Variants in KPNA1 observed in about 807,000 individuals in gnomAD.
The protein encoded by KPNA1 is karyopherin subunit alpha 1.
In KPNA1, 10 loss-of-function variants were observed where a neutral mutation model predicts 70.5. That is an observed-to-expected ratio of 0.14 (90% CI 0.09 to 0.24). The LOEUF is 0.24. KPNA1 is among the 10% of genes least tolerant of loss of function. KPNA1 has a pLI of 1.00. For synonymous variants in KPNA1, 192 were observed against 221.9 expected, an observed-to-expected ratio of 0.87 and a Z score of 1.20; for missense variants, 397 against 637.9, an observed-to-expected ratio of 0.62 and a Z score of 4.07.
At chr3:122,496,743 A>G (rs950105509) in intron 1 of KPNA1, 173 bp from the exon 2 acceptor site, 15 of 513,426 alleles carry the variant, frequency 2.9e-5, no homozygotes, top group Non-Finnish European at 5.1e-5. Context: ...TGCTCTGTCC[A>G]CCCGGACTGG....
chr3:122,445,198 A>T (rs2076120662), intron 9 of KPNA1, among the ~76,000 whole-genome samples: 1 of 152,192 alleles, frequency 6.6e-6, no homozygotes, highest in Non-Finnish European at 1.5e-5. Flanking sequence ...AACAGTGTAG[A>T]GAAGAGCTTA....
intron 5 of KPNA1, chr3:122,459,550 T>C (rs1020175414): frequency 8.1e-6 from 8 of 985,366 alleles, no homozygotes; most frequent in African/African-American, 7.0e-5. Flanking sequence ...CTCTGCAGTG[T>C]TGGTTGTCTG....
At chr3:122,510,282 G>A (rs1435329373) in intron 1 of KPNA1, among the ~76,000 whole-genome samples, 1 of 152,188 alleles carries the variant, frequency 6.6e-6, no homozygotes, top group Non-Finnish European at 1.5e-5. Context: ...ACAGTAAACA[G>A]GGGAACCAGT....
chr3:122,460,071 C>T (rs1274894495), intron 5 of KPNA1: 4 of 985,204 alleles, frequency 4.1e-6, no homozygotes, highest in Non-Finnish European at 4.8e-6. Flanking sequence ...GAAAGATAAT[C>T]CCATTTTGTG....
intron 5 of KPNA1, chr3:122,459,455 A>G (rs1373900472): frequency 3.0e-6 from 3 of 985,300 alleles, no homozygotes; most frequent in Non-Finnish European, 3.6e-6. Context: ...CTTCCTACAA[A>G]GCATTTCAAA....
intron 2 of KPNA1, among the ~76,000 whole-genome samples, chr3:122,479,885 C>T (rs2076551103): frequency 6.6e-6 from 1 of 152,088 alleles, no homozygotes; most frequent in African/African-American, 2.4e-5. Flanking sequence ...GGAGTTTTAT[C>T]CATAACTGTC....
At chr3:122,458,869 G>C (rs147175508) in intron 5 of KPNA1, among the ~76,000 whole-genome samples, 2 of 152,276 alleles carry the variant, frequency 1.3e-5, no homozygotes, top group East Asian at 1.9e-4. Flanking sequence ...ACAGTGGAGG[G>C]AGAACACCAT....
intron 10 of KPNA1, among the ~76,000 whole-genome samples, chr3:122,441,132 C>T (rs910797448): frequency 1.3e-5 from 2 of 152,076 alleles, no homozygotes; most frequent in Non-Finnish European, 2.9e-5. Flanking sequence ...GAAGGATTGC[C>T]CCGTGGAAGA....
At chr3:122,452,543 A>AGGG (rs2076215036) in intron 6 of KPNA1, among the ~76,000 whole-genome samples, 1 of 40,286 alleles carries the variant, frequency 2.5e-5, no homozygotes, top group Non-Finnish European at 5.6e-5. Flanking sequence ...GGAAGGAGGG[A>AGGG]AGGAGGGAGG....
At chr3:122,470,089 TAA>T (rs1302046223) in intron 2 of KPNA1, among the ~76,000 whole-genome samples, 1 of 152,226 alleles carries the variant, frequency 6.6e-6, no homozygotes, top group African/African-American at 2.4e-5. Flanking sequence ...AAAGAATGAA[TAA>T]GTGAATGTAA....
intron 2 of KPNA1, among the ~76,000 whole-genome samples, chr3:122,477,563 G>T (rs1166545258): frequency 6.6e-6 from 1 of 151,978 alleles, no homozygotes; most frequent in African/African-American, 2.4e-5. Flanking sequence ...AGCTGGGCAG[G>T]GTGGCACTGG....
chr3:122,454,850 A>G (rs2076247566), intron 5 of KPNA1, among the ~76,000 whole-genome samples: 2 of 152,230 alleles, frequency 1.3e-5, no homozygotes, highest in Admixed American at 1.3e-4. Flanking sequence ...GAAGATATAA[A>G]GGAAATTATG....
At chr3:122,476,720 C>T (rs533728641) in intron 2 of KPNA1, among the ~76,000 whole-genome samples, 43 of 151,820 alleles carry the variant, frequency 2.8e-4, no homozygotes, top group Admixed American at 2.6e-3. Flanking sequence ...GAGGTATTAC[C>T]TCATACCTGT....
chr3:122,460,342 A>G (rs1424633249), intron 5 of KPNA1: 1 of 984,448 alleles, frequency 1.0e-6, no homozygotes, highest in East Asian at 1.1e-4. Context: ...TCTTATGAAA[A>G]TTATTGAATA....
chr3:122,507,977 C>G (rs994397219), intron 1 of KPNA1, among the ~76,000 whole-genome samples: 2 of 152,084 alleles, frequency 1.3e-5, no homozygotes, highest in Admixed American at 6.6e-5. Flanking sequence ...CTTCCCATAT[C>G]ATATTAACTC....
intron 11 of KPNA1, among the ~76,000 whole-genome samples, chr3:122,436,583 C>A (rs1373885406): frequency 2.6e-5 from 4 of 152,156 alleles, no homozygotes; most frequent in African/African-American, 7.2e-5. Context: ...ACATGAAACA[C>A]TGGAGGTGGT....
chr3:122,444,907 A>G (rs2076115757), intron 9 of KPNA1, among the ~76,000 whole-genome samples: 1 of 152,310 alleles, frequency 6.6e-6, no homozygotes, highest in African/African-American at 2.4e-5. Flanking sequence ...GGTCACCAAT[A>G]TCGAAGACCA....
Position 122,467,299 on chromosome 3 carries a change from C to T in KPNA1, c.237+23G>A, listed in dbSNP as rs532114612. On this transcript the variant is annotated intron_variant, in intron 3 of 13. Transcript: ENST00000344337. The stretch of plus-strand genomic sequence containing the variant: ...ATCTCATATCTTCATCACAAAAACA[C>T]TGAAAAGAGTTCATTATCTTACTGG... 1.4e-5 allele frequency: 18 copies of T among 1,299,636 alleles called. 1 individual carries two copies. The East Asian group carries it at 3.0e-4, about 22-fold the overall frequency. The allele number at this position is 1,299,636 out of a possible 1,614,324, so 80.5% of individuals were successfully genotyped here.
chr3:122,452,825 AAG>A (rs201085446), intron 6 of KPNA1, among the ~76,000 whole-genome samples: 6 of 151,894 alleles, frequency 4.0e-5, no homozygotes, highest in Non-Finnish European at 8.8e-5. Context: ...GAGAGACAGA[AAG>A]AGAGAAAGAC....
Sources: allele counts gnomAD v4.1 joint callset (sites outside exome capture counted in the v4.1 genomes callset), GRCh38; gene constraint gnomAD v4.1.1; transcripts MANE v1.5; gene names NCBI Gene and HGNC (gene_info 2026-07-23, HGNC 2026-07-21).